The following MTUS2 variants were observed in gnomAD, a reference collection of about 807,000 sequenced individuals.
MTUS2 encodes microtubule-associated tumor suppressor candidate 2.
A neutral mutation model predicts 114.1 loss-of-function variants in MTUS2; 40 were observed. The observed-to-expected ratio is 0.35, with a 90% CI of 0.27 to 0.46. The LOEUF is 0.46. Ranked by LOEUF, MTUS2 falls within the 20% of genes least tolerant of loss-of-function variation. MTUS2 has a pLI of 1.00. For synonymous variants in MTUS2, 688 were observed against 672.0 expected, an observed-to-expected ratio of 1.02 and a Z score of -0.37; for missense variants, 1,679 against 1,705.4, an observed-to-expected ratio of 0.98 and a Z score of 0.27.
chr13:29,445,744 A>C (rs912737497), intron 9 of MTUS2, among the ~76,000 whole-genome samples: 4 of 148,186 alleles, frequency 2.7e-5, no homozygotes, highest in African/African-American at 5.2e-5. Context: ...CTCTACTAAA[A>C]ATACAAAAAA....
chr13:29,210,250 A>G (rs1895368213), intron 5 of MTUS2, among the ~76,000 whole-genome samples: 1 of 151,772 alleles, frequency 6.6e-6, no homozygotes, highest in African/African-American at 2.4e-5. Context: ...GTGTTTCTTT[A>G]AGTGTGTCCT....
intron 2 of MTUS2, among the ~76,000 whole-genome samples, chr13:28,916,115 T>C (rs1049229752): frequency 1.3e-5 from 2 of 151,842 alleles, no homozygotes; most frequent in Non-Finnish European, 3.0e-5. Context: ...TGTAGGTGTT[T>C]GGGTTGTTTC....
chr13:28,824,316 G>A (rs1874117801), intron 1 of MTUS2, among the ~76,000 whole-genome samples: 1 of 152,204 alleles, frequency 6.6e-6, no homozygotes, highest in Admixed American at 6.5e-5. Flanking sequence ...CTTCCTCAGT[G>A]TCTGTGAGCC....
chr13:29,312,534 C>T (rs1450907246), intron 6 of MTUS2, among the ~76,000 whole-genome samples: 1 of 152,046 alleles, frequency 6.6e-6, no homozygotes, highest in Non-Finnish European at 1.5e-5. Context: ...TTAAAAAGGG[C>T]ACAATTTTAT....
chr13:28,883,622 A>G (rs1770493359), intron 2 of MTUS2, among the ~76,000 whole-genome samples: 1 of 152,192 alleles, frequency 6.6e-6, no homozygotes, highest in Admixed American at 6.5e-5. Context: ...GAGAACAGAT[A>G]GTGGTTGCCA....
intron 2 of MTUS2, among the ~76,000 whole-genome samples, chr13:28,903,581 A>G (rs1352504742): frequency 1.3e-5 from 2 of 151,640 alleles, no homozygotes; most frequent in African/African-American, 4.8e-5. Flanking sequence ...TGTCCCTACA[A>G]AGGACATGAA....
chr13:29,395,967 A>C (rs974528751), intron 8 of MTUS2, among the ~76,000 whole-genome samples: 2 of 152,192 alleles, frequency 1.3e-5, no homozygotes, highest in African/African-American at 4.8e-5. Flanking sequence ...ACACTGAGCA[A>C]GTACTCCTCT....
intron 7 of MTUS2, among the ~76,000 whole-genome samples, chr13:29,355,650 G>A (rs147054117): frequency 2.1e-4 from 32 of 152,366 alleles, no homozygotes; most frequent in Non-Finnish European, 4.4e-4. Flanking sequence ...CACAGAGTAT[G>A]TGCTGAATAG....
chr13:29,019,131 GTTACAA>G (rs1037590826), intron 2 of MTUS2, among the ~76,000 whole-genome samples: 1 of 152,010 alleles, frequency 6.6e-6, no homozygotes, highest in Non-Finnish European at 1.5e-5. Flanking sequence ...GAGAGGCAAC[GTTACAA>G]TTACTAACAT....
At chr13:29,339,371 C>T (rs1901261390) in intron 7 of MTUS2, among the ~76,000 whole-genome samples, 1 of 152,144 alleles carries the variant, frequency 6.6e-6, no homozygotes, top group Non-Finnish European at 1.5e-5. Flanking sequence ...AGCTGATAGC[C>T]TGGGTGATGG....
chr13:29,401,480 A>C (rs541031498), intron 8 of MTUS2, among the ~76,000 whole-genome samples: 1 of 152,160 alleles, frequency 6.6e-6, no homozygotes, highest in Non-Finnish European at 1.5e-5. Flanking sequence ...TGATACAGCA[A>C]AAGTTTTCGT....
chr13:29,110,047 A>G (rs1196767740), intron 5 of MTUS2, among the ~76,000 whole-genome samples: 2 of 152,252 alleles, frequency 1.3e-5, no homozygotes, highest in Admixed American at 6.5e-5. Flanking sequence ...TTGGACATTT[A>G]CAAAATACAG....
intron 2 of MTUS2, among the ~76,000 whole-genome samples, chr13:28,916,628 AACTTT>A (rs1268363112): frequency 8.6e-5 from 13 of 151,668 alleles, no homozygotes; most frequent in African/African-American, 3.1e-4. Context: ...TCTATTCTGC[AACTTT>A]ACTTAATTTG....
At chr13:29,441,395 C>G (rs1181922790) in intron 9 of MTUS2, among the ~76,000 whole-genome samples, 1 of 152,220 alleles carries the variant, frequency 6.6e-6, no homozygotes, top group African/African-American at 2.4e-5. Context: ...CATCCTTCCT[C>G]TTTGCCATTG....
At chr13:28,954,709 G>T (rs9579252) in intron 2 of MTUS2, among the ~76,000 whole-genome samples, 2 of 152,260 alleles carry the variant, frequency 1.3e-5, no homozygotes, top group East Asian at 1.9e-4. Flanking sequence ...AAGCACACAC[G>T]CATGTGCAAT....
intron 2 of MTUS2, among the ~76,000 whole-genome samples, chr13:28,952,807 A>G (rs1565989): frequency 0.37 from 56,746 of 152,092 alleles, 10,588 homozygotes; most frequent in East Asian, 0.43. Context: ...ATACTGTTCC[A>G]TGGTATGGAC....
chr13:29,480,207 G>A lies in MTUS2; in HGVS notation c.3242G>A (p.Arg1081Gln), dbSNP rs756769441. The A allele has an allele frequency of 1.1e-5, 17 of 1,555,718 alleles. No homozygotes were observed. Among genetic ancestry groups the A allele is most frequent in the Admixed American group, 9.6e-5 (5 of 51,870 alleles). The change falls in exon 10 of 16, where the codon CGG becomes CAG. Residue 1081 changes from arginine to glutamine, a missense_variant. Physicochemically the swap from Arg to Gln is conservative, Grantham distance 43. Coordinates refer to ENST00000612955, the MANE Select transcript of MTUS2 (RefSeq NM_001033602.4). This position sits in a 1 kb window ranked among gnomAD's most constrained non-coding sequence, Gnocchi z 4.4. ...AAGGAGAAGGAGGAGCTGGAGAGGC[G>A]GTTCGAGGACGAGGTGAAGAGGCTG... is the stretch of plus-strand genomic sequence containing the variant. ...LQKEKEELER[R>Q]FEDEVKRLGW...
intron 8 of MTUS2, among the ~76,000 whole-genome samples, chr13:29,409,780 A>G (rs1396839134): frequency 6.6e-6 from 1 of 150,434 alleles, no homozygotes; most frequent in Non-Finnish European, 1.5e-5. Flanking sequence ...AAGTTCATGG[A>G]CATTTTCTTC....
At chr13:28,984,118 C>T (rs1221384958) in intron 2 of MTUS2, among the ~76,000 whole-genome samples, 3 of 152,154 alleles carry the variant, frequency 2.0e-5, no homozygotes, top group Non-Finnish European at 2.9e-5. Context: ...GTTTCTGCTA[C>T]TTGATGCACT....
Sources: allele counts gnomAD v4.1 joint callset (sites outside exome capture counted in the v4.1 genomes callset), GRCh38; gene constraint gnomAD v4.1.1; non-coding constraint Gnocchi (gnomAD v3.1); transcripts MANE v1.5; gene names NCBI Gene and HGNC (gene_info 2026-07-23, HGNC 2026-07-21).